PLCB4: variants seen among roughly 807,000 people sequenced by gnomAD.
PLCB4 encodes phospholipase C beta 4.
PLCB4 carries 77 observed loss-of-function variants against 178.8 expected under a neutral mutation model. The observed-to-expected ratio is 0.43, with a 90% CI of 0.36 to 0.52. The LOEUF is 0.52. Among genes scored for constraint, PLCB4 ranks in the 20% least tolerant of loss-of-function variants. The pLI is 0.00. For missense variants in PLCB4, 1,024 were observed against 1,453.4 expected (o/e 0.70, Z 4.80); for synonymous variants, 496 against 490.8 (o/e 1.01, Z -0.14).
chr20:9,223,729 G>A (rs1049832129), intron 3 of PLCB4, among the ~76,000 whole-genome samples: 1 of 152,242 alleles, frequency 6.6e-6, no homozygotes, highest in Non-Finnish European at 1.5e-5. Flanking sequence ...TGGAAGTCAT[G>A]CATGGTCACG....
intron 3 of PLCB4, among the ~76,000 whole-genome samples, chr20:9,301,506 A>T (rs1336151791): frequency 3.3e-5 from 5 of 152,052 alleles, no homozygotes. Context: ...ATTCCTGAAG[A>T]CCACCTTATA....
chr20:9,442,244 G>T (rs1370150847), intron 30 of PLCB4, among the ~76,000 whole-genome samples: 1 of 152,188 alleles, frequency 6.6e-6, no homozygotes, highest in Non-Finnish European at 1.5e-5. Flanking sequence ...CATTTCAGGT[G>T]CTCAAGAGCC....
intron 3 of PLCB4, among the ~76,000 whole-genome samples, chr20:9,305,213 C>T (rs2094752050): frequency 6.6e-6 from 1 of 151,912 alleles, no homozygotes; most frequent in Admixed American, 6.6e-5. Flanking sequence ...ATAATATGTT[C>T]CTGTCTTCTC....
intron 12 of PLCB4, among the ~76,000 whole-genome samples, chr20:9,373,576 A>G (rs115036812): frequency 6.6e-6 from 1 of 152,226 alleles, no homozygotes; most frequent in African/African-American, 2.4e-5. Context: ...TAAGAAAAAT[A>G]TGTTGGCTCA....
chr20:9,385,295 A>C (rs921725517), intron 14 of PLCB4, among the ~76,000 whole-genome samples: 2 of 151,166 alleles, frequency 1.3e-5, no homozygotes, highest in African/African-American at 4.9e-5. Flanking sequence ...CATCGTCATC[A>C]TGGCCCGTTC....
chr20:9,275,019 A>G (rs1056784995), intron 3 of PLCB4, among the ~76,000 whole-genome samples: 2 of 152,064 alleles, frequency 1.3e-5, no homozygotes, highest in African/African-American at 2.4e-5. Context: ...GAATTTTACC[A>G]TATAGAAGGA....
intron 3 of PLCB4, among the ~76,000 whole-genome samples, chr20:9,233,211 T>A (rs893000999): frequency 1.3e-5 from 2 of 152,184 alleles, no homozygotes; most frequent in Non-Finnish European, 2.9e-5. Flanking sequence ...TAAATGATAA[T>A]GATAATGACC....
intron 21 of PLCB4, 52 bp from the exon 22 acceptor site, chr20:9,407,865 G>A (rs1052951145): frequency 3.3e-6 from 5 of 1,511,016 alleles, no homozygotes; most frequent in Non-Finnish European, 3.6e-6. Flanking sequence ...GCACGTATCC[G>A]TGGGTCCTAC....
intron 35 of PLCB4, among the ~76,000 whole-genome samples, chr20:9,466,548 A>AAT (rs2043798128): frequency 6.6e-6 from 1 of 152,224 alleles, no homozygotes; most frequent in African/African-American, 2.4e-5. Context: ...ACAAAGGGCT[A>AAT]ATATCCAGAA....
rs545917792 is a variant in PLCB4, at chr20:9,375,477, G to T, written c.744+2373G>T. 2.0e-5 allele frequency among the ~76,000 whole-genome samples: 3 copies of T among 152,244 alleles called. No homozygotes were observed. The East Asian group carries it at 5.8e-4, about 29-fold the overall frequency. Reference sequence around the variant, plus strand: ...TGAAGGTTCCTTGTGAAGGTTCAATGGCTTCAAATTTATAAAGCTTGCACT... The same window carrying T: ...TGAAGGTTCCTTGTGAAGGTTCAATTGCTTCAAATTTATAAAGCTTGCACT... On this transcript the variant is annotated intron_variant, in intron 12 of 39. Transcript: ENST00000378473.
At chr20:9,093,028 A>G (rs1449864983) in intron 1 of PLCB4, among the ~76,000 whole-genome samples, 2 of 152,136 alleles carry the variant, frequency 1.3e-5, no homozygotes, top group Non-Finnish European at 2.9e-5. Context: ...TGTCACATCT[A>G]CTAGCTTAGT....
At chr20:9,279,382 T>C (rs1023866999) in intron 3 of PLCB4, among the ~76,000 whole-genome samples, 2 of 151,970 alleles carry the variant, frequency 1.3e-5, no homozygotes, top group Non-Finnish European at 2.9e-5. Context: ...TGGAGAGGTA[T>C]GTATAAAGTA....
chr20:9,188,375 A>G (rs1227677959), intron 2 of PLCB4, among the ~76,000 whole-genome samples: 1 of 152,250 alleles, frequency 6.6e-6, no homozygotes, highest in Non-Finnish European at 1.5e-5. Context: ...AACAGCAAGG[A>G]CATCCTTCTT....
chr20:9,257,572 G>A (rs572388701), intron 3 of PLCB4, among the ~76,000 whole-genome samples: 1 of 152,180 alleles, frequency 6.6e-6, no homozygotes, highest in East Asian at 1.9e-4. Flanking sequence ...GGTTCTTTGG[G>A]CTTCCAAGAT....
At chr20:9,413,460 C>G (rs1172185870) in intron 25 of PLCB4, among the ~76,000 whole-genome samples, 1 of 151,832 alleles carries the variant, frequency 6.6e-6, no homozygotes, top group Non-Finnish European at 1.5e-5. Context: ...GAGATCGAGA[C>G]CATCCTGGCT....
chr20:9,098,560 T>C, intron 2 of PLCB4, among the ~76,000 whole-genome samples: 1 of 151,392 alleles, frequency 6.6e-6, no homozygotes, highest in Non-Finnish European at 1.5e-5. Context: ...TGTGGAGTAT[T>C]GTAAAAGTCC....
intron 28 of PLCB4, among the ~76,000 whole-genome samples, chr20:9,424,673 C>G (rs1234099369): frequency 2.6e-5 from 4 of 152,144 alleles, no homozygotes; most frequent in African/African-American, 9.7e-5. Context: ...CCTCTCAAAC[C>G]CCTCATTTCC....
rs139618229 is a variant in PLCB4, at chr20:9,471,739, A to C, written c.3351-1051A>C. 1.7e-3 allele frequency among the ~76,000 whole-genome samples: 255 copies of C among 152,300 alleles called. 2 individuals are homozygous for C. In the South Asian group the frequency reaches 0.022, roughly 13 times the overall value. ...GCATCCAACTGACAGAAAGTCTGATAGTACTAAGAGTGGGCAAAGATATGG... is the reference window on the plus strand; with the variant it reads ...GCATCCAACTGACAGAAAGTCTGATCGTACTAAGAGTGGGCAAAGATATGG... On this transcript the variant is annotated intron_variant, in intron 36 of 39. Transcript: ENST00000378473.
chr20:9,479,020 C>T lies in PLCB4; in HGVS notation c.*11C>T, dbSNP rs1432167828. On this transcript the variant is annotated 3_prime_UTR_variant, in exon 40 of 40. Coordinates refer to ENST00000378473, the MANE Select transcript of PLCB4 (RefSeq NM_001377142.1). ...CAAAATGCAAACTGAAGCAGCAAACCCACAAAGCATCAAAAGACTCACTCA... is the reference window on the plus strand; with the variant it reads ...CAAAATGCAAACTGAAGCAGCAAACTCACAAAGCATCAAAAGACTCACTCA... 2 of 1,595,322 alleles carry T rather than the reference C, an allele frequency of 1.3e-6. No individual in the cohort carries two copies. The highest frequency in any genetic ancestry group is 1.7e-5 in the Admixed American group (1 of 59,742).
Sources: allele counts gnomAD v4.1 joint callset (sites outside exome capture counted in the v4.1 genomes callset), GRCh38; gene constraint gnomAD v4.1.1; transcripts MANE v1.5; gene names NCBI Gene and HGNC (gene_info 2026-07-23, HGNC 2026-07-21).